MIPOL1: variants seen among roughly 807,000 people sequenced by gnomAD.
MIPOL1 encodes mirror-image polydactyly 1, also known as mirror-image polydactyly gene 1 protein.
A neutral mutation model predicts 60.9 loss-of-function variants in MIPOL1; 57 were observed. The observed-to-expected ratio is 0.94, with a 90% CI of 0.76 to 1.17. The LOEUF (loss-of-function observed/expected upper bound fraction) is 1.17. Among genes scored for constraint, MIPOL1 ranks in the 50% most tolerant of loss-of-function variants. The pLI is 0.00. For missense variants in MIPOL1, 551 were observed against 511.6 expected, an observed-to-expected ratio of 1.08 and a Z score of -0.74; for synonymous variants, 179 against 168.8, an observed-to-expected ratio of 1.06 and a Z score of -0.47.
At chr14:37,325,927 C>T (rs574532514) in intron 9 of MIPOL1, among the ~76,000 whole-genome samples, 26 of 152,252 alleles carry the variant, frequency 1.7e-4, no homozygotes, top group African/African-American at 6.0e-4. Flanking sequence ...CAAGTGGTAT[C>T]CATGTTATGT....
At chr14:37,344,700 T>G (rs2090818500) in intron 9 of MIPOL1, among the ~76,000 whole-genome samples, 1 of 152,160 alleles carries the variant, frequency 6.6e-6, no homozygotes, top group African/African-American at 2.4e-5. Flanking sequence ...AGCTATCTTC[T>G]TATCTATTGT....
At chr14:37,333,459 T>A (rs1392508016) in intron 9 of MIPOL1, among the ~76,000 whole-genome samples, 1 of 152,070 alleles carries the variant, frequency 6.6e-6, no homozygotes, top group Non-Finnish European at 1.5e-5. Flanking sequence ...CTGTGACATA[T>A]TAAAGGTAGT....
intron 11 of MIPOL1, among the ~76,000 whole-genome samples, chr14:37,468,809 C>G (rs543421725): frequency 6.6e-6 from 1 of 152,182 alleles, no homozygotes; most frequent in African/African-American, 2.4e-5. Flanking sequence ...TGGAGACTCT[C>G]CTATCCAAGC....
chr14:37,473,865 ACTAAAATAC>A (rs1041938502), intron 11 of MIPOL1, among the ~76,000 whole-genome samples: 17 of 152,288 alleles, frequency 1.1e-4, no homozygotes, highest in African/African-American at 4.1e-4. Context: ...ATACTAAAAT[ACTAAAATAC>A]TAAAGCACAT....
chr14:37,539,885 T>A (rs1385871566), intron 12 of MIPOL1, among the ~76,000 whole-genome samples: 1 of 152,172 alleles, frequency 6.6e-6, no homozygotes, highest in Admixed American at 6.5e-5. Flanking sequence ...ATAATCCCCA[T>A]GTCTCATCGG....
chr14:37,431,975 A>C (rs888568393), intron 11 of MIPOL1, among the ~76,000 whole-genome samples: 2 of 152,106 alleles, frequency 1.3e-5, no homozygotes, highest in Non-Finnish European at 2.9e-5. Flanking sequence ...ACACATAGTA[A>C]GCGCTCAACA....
chr14:37,366,772 T>C (rs1041069065), intron 9 of MIPOL1, among the ~76,000 whole-genome samples: 1 of 152,080 alleles, frequency 6.6e-6, no homozygotes, highest in African/African-American at 2.4e-5. Context: ...TATTATTGTA[T>C]TGGAGCCTAT....
intron 10 of MIPOL1, chr14:37,401,919 C>T (rs1051533934): frequency 6.6e-6 from 1 of 151,906 alleles, no homozygotes; most frequent in African/African-American, 2.4e-5. Context: ...TTAAATTATT[C>T]CAAATACACT....
chr14:37,213,662 G>A (rs891391441), intron 1 of MIPOL1, among the ~76,000 whole-genome samples: 8 of 152,068 alleles, frequency 5.3e-5, no homozygotes, highest in African/African-American at 1.7e-4. Context: ...TTATTCAAAG[G>A]GATAATAATG....
intron 11 of MIPOL1, among the ~76,000 whole-genome samples, chr14:37,473,805 A>G (rs1400539743): frequency 2.0e-5 from 3 of 152,188 alleles, no homozygotes; most frequent in Non-Finnish European, 4.4e-5. Flanking sequence ...GGCTTTGAAA[A>G]ATGCAAAATG....
chr14:37,202,746 T>C (rs1324184291), intron 1 of MIPOL1, among the ~76,000 whole-genome samples: 1 of 152,220 alleles, frequency 6.6e-6, no homozygotes, highest in African/African-American at 2.4e-5. Context: ...CCTTCTCCCC[T>C]GCATATTGCC....
chr14:37,326,617 G>C (rs539713445), intron 9 of MIPOL1, among the ~76,000 whole-genome samples: 2 of 152,322 alleles, frequency 1.3e-5, no homozygotes, highest in East Asian at 3.9e-4. Context: ...GCAGACTGCA[G>C]ACTCAGCAGT....
intron 7 of MIPOL1, among the ~76,000 whole-genome samples, chr14:37,285,883 C>T (rs990054006): frequency 1.3e-5 from 2 of 152,028 alleles, no homozygotes; most frequent in African/African-American, 4.8e-5. Flanking sequence ...TGAGCCACCG[C>T]GCCCGGCCTC....
At chr14:37,360,603 G>T (rs188224332) in intron 9 of MIPOL1, among the ~76,000 whole-genome samples, 174 of 152,218 alleles carry the variant, frequency 1.1e-3, no homozygotes, top group African/African-American at 4.0e-3. Flanking sequence ...GTTTATTTGC[G>T]TAGAGGTTTT....
At chr14:37,268,604 G>A in intron 4 of MIPOL1, 54 bp from the exon 5 acceptor site, 1 of 1,389,362 alleles carries the variant, frequency 7.2e-7, no homozygotes, top group South Asian at 1.3e-5. Flanking sequence ...CATACAAAAT[G>A]TCAAAAAATT....
At chr14:37,289,112 G>T (rs957029257) in intron 7 of MIPOL1, among the ~76,000 whole-genome samples, 1 of 152,162 alleles carries the variant, frequency 6.6e-6, no homozygotes, top group Non-Finnish European at 1.5e-5. Flanking sequence ...TTTTATCATA[G>T]ATGGCATTTT....
At chr14:37,302,455 T>G (rs562447513) in intron 7 of MIPOL1, among the ~76,000 whole-genome samples, 1 of 151,778 alleles carries the variant, frequency 6.6e-6, no homozygotes, top group East Asian at 1.9e-4. Flanking sequence ...ATTGGATTAT[T>G]TTTTCCTTGT....
Position 37,312,571 on chromosome 14 carries a change from T to G in MIPOL1, c.828+4052T>G, listed in dbSNP as rs138005374. Among the ~76,000 whole-genome samples, 442 of 152,320 alleles carry G rather than the reference T, an allele frequency of 2.9e-3. 2 individuals are homozygous for G. Among genetic ancestry groups the G allele is most frequent in the African/African-American group, 0.01 (421 of 41,582 alleles). On this transcript the variant is annotated intron_variant, in intron 9 of 12. Coordinates refer to ENST00000684589, the MANE Select transcript of MIPOL1 (RefSeq NM_001388067.1). ...TTGATATCTTACTTTATTTTTCAAA[T>G]CAAGTCAAAATCATTTATTTACTTT...
intron 12 of MIPOL1, among the ~76,000 whole-genome samples, chr14:37,518,764 G>A (rs1396634810): frequency 6.6e-6 from 1 of 152,052 alleles, no homozygotes; most frequent in Non-Finnish European, 1.5e-5. Context: ...AAGCTTCTAG[G>A]TCTGGGTCAG....
Sources: allele counts gnomAD v4.1 joint callset (sites outside exome capture counted in the v4.1 genomes callset), GRCh38; gene constraint gnomAD v4.1.1; transcripts MANE v1.5; gene names NCBI Gene and HGNC (gene_info 2026-07-23, HGNC 2026-07-21).